ARFGEF3: variants seen among roughly 807,000 people sequenced by gnomAD.
ARFGEF3 encodes the protein brefeldin A-inhibited guanine nucleotide-exchange protein 3.
Under a neutral mutation model 221.7 loss-of-function variants are expected in ARFGEF3, and 96 were observed. The observed-to-expected ratio is 0.43, with a 90% CI of 0.37 to 0.51. The LOEUF (loss-of-function observed/expected upper bound fraction) is 0.51. Ranked by LOEUF, ARFGEF3 falls within the 20% of genes least tolerant of loss-of-function variation. The probability of loss-of-function intolerance (pLI) is 0.00; values close to 1 mark genes in which losing one functional copy is unlikely to be tolerated. For missense variants in ARFGEF3, 2,410 were observed against 2,789.9 expected, an observed-to-expected ratio of 0.86 and a Z score of 3.07; for synonymous variants, 1,145 against 1,126.8, an observed-to-expected ratio of 1.02 and a Z score of -0.32.
rs1356935286 is a variant in ARFGEF3, at chr6:138,298,576, T to C, written c.3649-30T>C. ...CCATTCTCACTGTCTGCTGTCCTGA[T>C]GGTGAGCCACTCTCTCGTGAATTTT... On this transcript the variant is annotated intron_variant, in intron 21 of 33. Coordinates refer to ENST00000251691, the MANE Select transcript of ARFGEF3 (RefSeq NM_020340.5). 3.8e-6 allele frequency: 6 copies of C among 1,594,912 alleles called. No individual in the cohort carries two copies. In the Admixed American group the frequency reaches 1.0e-4, roughly 27 times the overall value.
chr6:138,272,991 A>G (rs1200553494), intron 12 of ARFGEF3, among the ~76,000 whole-genome samples: 1 of 152,252 alleles, frequency 6.6e-6, no homozygotes, highest in Non-Finnish European at 1.5e-5. Context: ...CAAATAAATC[A>G]AACCACAATG....
chr6:138,230,329 C>A (rs565733258), intron 5 of ARFGEF3, among the ~76,000 whole-genome samples: 1 of 152,320 alleles, frequency 6.6e-6, no homozygotes, highest in East Asian at 1.9e-4. Flanking sequence ...ATCTGTATTG[C>A]AGCCCAGAGT....
chr6:138,289,846 G>C lies in ARFGEF3; in HGVS notation c.2925G>C (p.Glu975Asp). ...AACTAAAAGTGGAGCAGAAACTGGA[G>C]CAGATTGGGAAGGTGCAGGGGGTGT... ...QVKLKVEQKL[E>D]QIGKVQGVWL... Residue 975 changes from glutamate (E) to aspartate (D), a missense_variant, in exon 18 of 34, where the codon GAG (glutamate) becomes GAC (aspartate). By Grantham distance (45) the Glu-to-Asp change is conservative. Transcript: ENST00000251691. The C allele has an allele frequency of 1.2e-6, 2 of 1,613,914 alleles. No homozygotes were observed. The highest frequency in any genetic ancestry group is 1.7e-6 in the Non-Finnish European group (2 of 1,179,834).
chr6:138,204,221 C>T (rs2114488891), intron 2 of ARFGEF3, among the ~76,000 whole-genome samples: 1 of 151,156 alleles, frequency 6.6e-6, no homozygotes, highest in South Asian at 2.1e-4. Flanking sequence ...CACCTGTAAC[C>T]CAGCTACTTG....
At chr6:138,269,106 G>A in intron 12 of ARFGEF3, among the ~76,000 whole-genome samples, 1 of 152,178 alleles carries the variant, frequency 6.6e-6, no homozygotes, top group South Asian at 2.1e-4. Context: ...GCTCCCTAAG[G>A]GTCCCGTGAT....
In ARFGEF3 at chr6:138,225,016, A is replaced by G. The variant is rs192722906; in HGVS notation, c.352-4768A>G. ...GGACAGTAGGGGTTGGTGGGAGGGC[A>G]GTGGTAGGATGGTACCCAGGTTTCA... On this transcript the variant is annotated intron_variant, in intron 4 of 33. Transcript: ENST00000251691. Among the ~76,000 whole-genome samples, 239 of 152,312 alleles carry G rather than the reference A, an allele frequency of 1.6e-3. 1 individual carries two copies. Among genetic ancestry groups the G allele is most frequent in the Admixed American group, 3.7e-3 (56 of 15,296 alleles).
At chr6:138,293,621 G>T (rs943096262) in intron 19 of ARFGEF3, among the ~76,000 whole-genome samples, 1 of 152,002 alleles carries the variant, frequency 6.6e-6, no homozygotes, top group African/African-American at 2.4e-5. Context: ...AATTTACTGG[G>T]GTTTTTTGAC....
chr6:138,311,025 A>G (rs1162701856), intron 24 of ARFGEF3, among the ~76,000 whole-genome samples: 5 of 152,220 alleles, frequency 3.3e-5, no homozygotes, highest in Admixed American at 6.5e-5. Flanking sequence ...AAGTCACTCC[A>G]TCCAACAGCA....
intron 20 of ARFGEF3, among the ~76,000 whole-genome samples, chr6:138,294,430 A>AAATTGTG (rs1779470270): frequency 1.3e-5 from 2 of 152,240 alleles, no homozygotes; most frequent in African/African-American, 4.8e-5. Context: ...TAGGGTGCAG[A>AAATTGTG]TAGCTTCCTT....
rs892549067 is a variant in ARFGEF3, at chr6:138,342,673, A to C, written c.*6187A>C. ...TTCTTCCATCCATGTCGTTTTAATG[A>C]GATGTTTCCATGTCAGCTCCTTTAC... On this transcript the variant is annotated 3_prime_UTR_variant, in exon 34 of 34. Transcript: ENST00000251691. 6.6e-6 allele frequency: 1 copy of C among 152,144 alleles called. No individual in the cohort carries two copies. The highest frequency in any genetic ancestry group is 1.5e-5 in the Non-Finnish European group (1 of 68,014). The allele number at this position is 152,144 out of a possible 1,614,324, so 9.4% of individuals were successfully genotyped here.
At chr6:138,278,266 A>G (rs1340658940) in intron 12 of ARFGEF3, among the ~76,000 whole-genome samples, 185 bp from the exon 13 acceptor site, 1 of 152,230 alleles carries the variant, frequency 6.6e-6, no homozygotes, top group Non-Finnish European at 1.5e-5. Context: ...TCCTGAGCGC[A>G]TGCTCTTTGC....
Position 138,162,188 on chromosome 6 carries a change from T to G in ARFGEF3, c.85+17T>G, listed in dbSNP as rs1435752878. 7.6e-6 allele frequency: 12 copies of G among 1,583,174 alleles called. No individual in the cohort carries two copies. The highest frequency in any genetic ancestry group is 1.0e-5 in the Non-Finnish European group (12 of 1,161,604). On this transcript the variant is annotated intron_variant, in intron 1 of 33. Coordinates refer to ENST00000251691, the MANE Select transcript of ARFGEF3 (RefSeq NM_020340.5). The surrounding 1 kb of genome is among the most constrained non-coding windows in gnomAD (Gnocchi z 4.7). ...GGGCCCTGGGTAAGCGTCCGGCACC[T>G]GCTCGCCGCGGCGGGAGGGCCGCGC...
intron 19 of ARFGEF3, 150 bp from the exon 20 acceptor site, chr6:138,293,842 GT>G: frequency 2.8e-6 from 2 of 712,284 alleles, no homozygotes; most frequent in Non-Finnish European, 4.6e-6. Context: ...CTTGTACACA[GT>G]TAGAATAGAT....
rs371062061 is a variant in ARFGEF3, at chr6:138,223,542, CCA to C, written c.352-6239_352-6238del. ...ACATCTGATATTTTGAAAAATGAAA[CCA>C]CAGTTCCCCCCAAGAAGGAGTTGTG... On this transcript the variant is annotated intron_variant, in intron 4 of 33. Transcript: ENST00000251691. Among the ~76,000 whole-genome samples the C allele has an allele frequency of 4.9e-4, 74 of 152,184 alleles. 1 individual carries two copies. In the South Asian group the frequency reaches 0.015, roughly 30 times the overall value.
chr6:138,342,681 C>G lies in ARFGEF3; in HGVS notation c.*6195C>G, dbSNP rs2114714010. On this transcript the variant is annotated 3_prime_UTR_variant, in exon 34 of 34. Transcript: ENST00000251691. ...TCCATGTCGTTTTAATGAGATGTTTCCATGTCAGCTCCTTTACAGCCTTGG... is the reference window on the plus strand; with the variant it reads ...TCCATGTCGTTTTAATGAGATGTTTGCATGTCAGCTCCTTTACAGCCTTGG... 1 of 152,252 alleles carries G rather than the reference C, an allele frequency of 6.6e-6. No individual in the cohort carries two copies. The highest frequency in any genetic ancestry group is 6.5e-5 in the Admixed American group (1 of 15,288). 9.4% of individuals were successfully genotyped at this position (152,252 alleles called of 1,614,324 possible).
intron 10 of ARFGEF3, among the ~76,000 whole-genome samples, chr6:138,260,550 A>G (rs1291894697): frequency 6.6e-6 from 1 of 152,228 alleles, no homozygotes; most frequent in African/African-American, 2.4e-5. Context: ...GAGGATATGT[A>G]TAGCTTTAAC....
intron 1 of ARFGEF3, among the ~76,000 whole-genome samples, chr6:138,165,176 G>A (rs1776700244): frequency 2.0e-5 from 3 of 151,664 alleles, no homozygotes; most frequent in Admixed American, 6.6e-5. Context: ...GAGAGAGAGA[G>A]GGCATCCCCC....
chr6:138,338,842 TGTTA>T lies in ARFGEF3; in HGVS notation c.*2360_*2363del, dbSNP rs1780378867. 1 of 150,586 alleles carries T rather than the reference TGTTA, an allele frequency of 6.6e-6. No homozygotes were observed. The highest frequency in any genetic ancestry group is 2.1e-4 in the South Asian group (1 of 4,720). The allele number at this position is 150,586 out of a possible 1,614,324, so 9.3% of individuals were successfully genotyped here. On this transcript the variant is annotated 3_prime_UTR_variant, in exon 34 of 34. Coordinates refer to ENST00000251691, the MANE Select transcript of ARFGEF3 (RefSeq NM_020340.5). Reference sequence around the variant, plus strand: ...AAAGTGAATACTGTATCCCAAAGTATGTTAGTTGTTTGTTTGGAAATCAGCATTC... The same window carrying T: ...AAAGTGAATACTGTATCCCAAAGTATGTTGTTTGTTTGGAAATCAGCATTC...
At chr6:138,294,904 C>G (rs1779479045) in intron 20 of ARFGEF3, among the ~76,000 whole-genome samples, 1 of 152,178 alleles carries the variant, frequency 6.6e-6, no homozygotes, top group South Asian at 2.1e-4. Context: ...CCCTTCTATC[C>G]TTAGGAATCT....
Sources: gnomAD v4.1 joint callset for allele counts (sites outside exome capture counted in the v4.1 genomes callset) on GRCh38, gnomAD v4.1.1 for gene constraint, Gnocchi (gnomAD v3.1) non-coding constraint, MANE v1.5 for transcripts, NCBI Gene and HGNC (gene_info 2026-07-23, HGNC 2026-07-21) for gene names.